Variants in DPP6 observed in about 807,000 individuals in gnomAD.
DPP6 encodes A-type potassium channel modulatory protein DPP6.
In DPP6, 69 loss-of-function variants were observed where a neutral mutation model predicts 122.6. That is an observed-to-expected ratio of 0.56 (90% CI 0.46 to 0.69). The LOEUF (loss-of-function observed/expected upper bound fraction) is 0.69, where lower values mean the gene tolerates loss of function less well. DPP6 is among the 30% of genes least tolerant of loss of function. The pLI, the probability that DPP6 is intolerant of heterozygous loss-of-function variation, is 0.00. For missense variants in DPP6, 928 were observed against 1,116.9 expected (o/e 0.83, Z 2.41); for synonymous variants, 418 against 433.1 (o/e 0.97, Z 0.43).
At chr7:154,286,193 G>A (rs1287591940) in intron 1 of DPP6, among the ~76,000 whole-genome samples, 1 of 152,142 alleles carries the variant, frequency 6.6e-6, no homozygotes, top group Non-Finnish European at 1.5e-5. Context: ...ACCCTGAGAA[G>A]GGACATGGTT....
intron 1 of DPP6, among the ~76,000 whole-genome samples, chr7:154,247,739 A>G (rs1007116200): frequency 2.0e-5 from 3 of 152,226 alleles, no homozygotes; most frequent in Non-Finnish European, 2.9e-5. Context: ...ACTGCAGTCT[A>G]CTGCACTCTT....
At chr7:154,206,198 C>A (rs1182059032) in intron 1 of DPP6, among the ~76,000 whole-genome samples, 2 of 152,202 alleles carry the variant, frequency 1.3e-5, no homozygotes, top group Non-Finnish European at 2.9e-5. Flanking sequence ...TTCTTCTCTT[C>A]CTTCCCCTCA....
intron 1 of DPP6, among the ~76,000 whole-genome samples, chr7:154,218,326 A>G (rs1800118627): frequency 6.6e-6 from 1 of 152,200 alleles, no homozygotes; most frequent in Admixed American, 6.5e-5. Context: ...AGGCTTACAG[A>G]GTACCTTCAA....
At position 154,483,090 on chromosome 7, in the gene DPP6, G is replaced by A. The variant is rs576731153; in HGVS notation, c.457+8053G>A. ...GTGGAGGTACTGCTCAGAGCCTCTCGGAGGGAAGAGGGGAAGAGGGACACG... is the reference window on the plus strand; with the variant it reads ...GTGGAGGTACTGCTCAGAGCCTCTCAGAGGGAAGAGGGGAAGAGGGACACG... On this transcript the variant is annotated intron_variant, in intron 3 of 25. Transcript: ENST00000377770. The surrounding 1 kb of genome is among the most constrained non-coding windows in gnomAD (Gnocchi z 8.1). 1.8e-4 allele frequency among the ~76,000 whole-genome samples: 28 copies of A among 152,232 alleles called. No homozygotes were observed. The East Asian group carries it at 3.5e-3, about 19-fold the overall frequency.
intron 1 of DPP6, among the ~76,000 whole-genome samples, chr7:154,342,169 C>T (rs934245361): frequency 7.2e-5 from 11 of 152,172 alleles, no homozygotes; most frequent in African/African-American, 2.2e-4. Flanking sequence ...AATGTCTAGG[C>T]TGTGAAGCAA....
Position 154,310,468 on chromosome 7 carries a change from A to C in DPP6, c.244-135746A>C, listed in dbSNP as rs142596857. On this transcript the variant is annotated intron_variant, in intron 1 of 25. Transcript: ENST00000377770. ...GAGAGCAAGGACAAATGATACCCAG[A>C]TTGGCTTTTGGTGCAACCCAAACTC... is the stretch of plus-strand genomic sequence containing the variant. Among the ~76,000 whole-genome samples, 38 of 152,330 alleles carry C rather than the reference A, an allele frequency of 2.5e-4. No homozygotes were observed. In the East Asian group the frequency reaches 5.2e-3, roughly 21 times the overall value.
chr7:154,499,171 G>T (rs906409876), intron 3 of DPP6, among the ~76,000 whole-genome samples: 8 of 152,182 alleles, frequency 5.3e-5, no homozygotes, highest in African/African-American at 1.9e-4. Context: ...GGACAGAATG[G>T]GTTTGGGGCA....
intron 3 of DPP6, among the ~76,000 whole-genome samples, chr7:154,540,160 T>C (rs1828602112): frequency 6.6e-6 from 1 of 152,248 alleles, no homozygotes; most frequent in Non-Finnish European, 1.5e-5. Flanking sequence ...ACAAGCATTC[T>C]GCATACAGAT....
chr7:154,576,845 G>A (rs1831714111), intron 5 of DPP6, among the ~76,000 whole-genome samples: 1 of 152,200 alleles, frequency 6.6e-6, no homozygotes, highest in Non-Finnish European at 1.5e-5. Flanking sequence ...GGTATTTTCA[G>A]AGGAGTGGTG....
intron 7 of DPP6, among the ~76,000 whole-genome samples, chr7:154,675,614 T>C (rs1216850222): frequency 6.6e-6 from 1 of 152,212 alleles, no homozygotes; most frequent in Non-Finnish European, 1.5e-5. Flanking sequence ...CAATCAACTC[T>C]TCTTGAATAC....
At chr7:154,519,798 G>GT (rs1406515472) in intron 3 of DPP6, among the ~76,000 whole-genome samples, 1 of 152,192 alleles carries the variant, frequency 6.6e-6, no homozygotes, top group Non-Finnish European at 1.5e-5. Context: ...ATATGATTCA[G>GT]TTTTTTCCTT....
At chr7:154,884,384 C>T (rs904712058) in intron 21 of DPP6, 2 of 148,844 alleles carry the variant, frequency 1.3e-5, no homozygotes, top group Middle Eastern at 3.8e-3. Flanking sequence ...TACACCTGCT[C>T]ATACACACAC....
chr7:153,749,690 C>T, the DPP6 span, among the ~76,000 whole-genome samples: 369 of 152,298 alleles, frequency 2.4e-3, no homozygotes, highest in Non-Finnish European at 4.4e-3. The surrounding 1 kb of genome is among the most constrained non-coding windows in gnomAD (Gnocchi z 4.1). Flanking sequence ...CGCACGGATC[C>T]TGTGGGGCCC....
chr7:154,761,140 C>T (rs978924776), intron 8 of DPP6, among the ~76,000 whole-genome samples: 3 of 152,138 alleles, frequency 2.0e-5, no homozygotes, highest in African/African-American at 7.2e-5. Context: ...CAGCTCAAAA[C>T]TTTTTTGAAA....
At chr7:153,920,007 T>A (rs750443300) in intron 1 of DPP6, among the ~76,000 whole-genome samples, 1 of 152,194 alleles carries the variant, frequency 6.6e-6, no homozygotes, top group African/African-American at 2.4e-5. Context: ...GCTTATTGAT[T>A]TAGTTTTACT....
chr7:153,865,821 G>T, the DPP6 span, among the ~76,000 whole-genome samples: 26 of 96,292 alleles, frequency 2.7e-4, no homozygotes, highest in African/African-American at 1.1e-3. Context: ...CCCCACAACA[G>T]GCCCCAGAGA....
chr7:154,256,992 C>CTT (rs1802696939), intron 1 of DPP6, among the ~76,000 whole-genome samples: 1 of 129,886 alleles, frequency 7.7e-6, no homozygotes, highest in South Asian at 2.2e-4. Flanking sequence ...TCTTTTTCTT[C>CTT]TTCTTCTTTT....
chr7:154,200,466 G>A (rs1799114243), intron 1 of DPP6, among the ~76,000 whole-genome samples: 1 of 152,248 alleles, frequency 6.6e-6, no homozygotes, highest in South Asian at 2.1e-4. Context: ...GGTGGAGATT[G>A]GAGGAGACCT....
At chr7:154,153,844 TGC>T (rs1197170381) in intron 1 of DPP6, among the ~76,000 whole-genome samples, 1 of 152,160 alleles carries the variant, frequency 6.6e-6, no homozygotes, top group Non-Finnish European at 1.5e-5. Flanking sequence ...GGCCATAGTT[TGC>T]TGACTGCCGC....
Sources: gnomAD v4.1 joint callset for allele counts (sites outside exome capture counted in the v4.1 genomes callset) on GRCh38, gnomAD v4.1.1 for gene constraint, Gnocchi (gnomAD v3.1) non-coding constraint, MANE v1.5 for transcripts, NCBI Gene and HGNC (gene_info 2026-07-23, HGNC 2026-07-21) for gene names.